The following AXIN1 variants were observed in gnomAD, a reference collection of about 807,000 sequenced individuals.
The protein encoded by AXIN1 is axin-1.
In AXIN1, 30 loss-of-function variants were observed where a neutral mutation model predicts 76.4. The ratio of observed to expected loss-of-function variants is 0.39; its 90% confidence interval spans 0.29 to 0.53. AXIN1 has a LOEUF of 0.53. Among genes scored for constraint, AXIN1 ranks in the 20% least tolerant of loss-of-function variants. The pLI, the probability that AXIN1 is intolerant of heterozygous loss-of-function variation, is 0.66. For missense variants in AXIN1, 1,140 were observed against 1,198.8 expected (o/e 0.95, Z 0.72); for synonymous variants, 545 against 501.4 (o/e 1.09, Z -1.16).
At chr16:310,141 CT>C (rs2053137174) in intron 3 of AXIN1, 72 bp from the exon 4 acceptor site, 1 of 1,420,100 alleles carries the variant, frequency 7.0e-7, no homozygotes, top group African/African-American at 1.4e-5. Flanking sequence ...AATAGAGCTC[CT>C]GGCCCCGACC....
rs1002842326 is a variant in AXIN1, at chr16:346,034, C to T, written c.878+114G>A. The T allele has an allele frequency of 6.6e-5, 67 of 1,014,958 alleles. No homozygotes were observed. In the African/African-American group the frequency reaches 8.8e-4, roughly 13 times the overall value. 62.9% of individuals were successfully genotyped at this position (1,014,958 alleles called of 1,614,324 possible). ...GAACAGAACCAAAATTCAACCCCAGCGGCAGCAGGACATCCGGTGTGGGTT... is the reference window on the plus strand; with the variant it reads ...GAACAGAACCAAAATTCAACCCCAGTGGCAGCAGGACATCCGGTGTGGGTT... On this transcript the variant is annotated intron_variant, in intron 2 of 10. Coordinates refer to ENST00000262320, the MANE Select transcript of AXIN1 (RefSeq NM_003502.4).
chr16:296,130 C>G (rs905472345), intron 7 of AXIN1, among the ~76,000 whole-genome samples: 2 of 152,210 alleles, frequency 1.3e-5, no homozygotes, highest in African/African-American at 4.8e-5. Flanking sequence ...GTGCTGTGCA[C>G]CCCTGTTCCC....
chr16:321,617 C>T (rs1285612166), intron 2 of AXIN1, among the ~76,000 whole-genome samples: 2 of 152,182 alleles, frequency 1.3e-5, no homozygotes, highest in South Asian at 2.1e-4. Context: ...GGGTTAAACC[C>T]TCTCACAGCT....
At chr16:308,248 C>T (rs1043629189) in intron 4 of AXIN1, among the ~76,000 whole-genome samples, 2 of 152,264 alleles carry the variant, frequency 1.3e-5, no homozygotes, top group African/African-American at 4.8e-5. Context: ...AAGGTTCTGA[C>T]GACGACACCA....
At chr16:347,198 C>T (rs2054051010) in intron 1 of AXIN1, 92 bp from the exon 2 acceptor site, 1 of 1,119,232 alleles carries the variant, frequency 8.9e-7, no homozygotes, top group Non-Finnish European at 1.3e-6. Flanking sequence ...ACGATGACGC[C>T]CTCCCGCTCA....
intron 2 of AXIN1, among the ~76,000 whole-genome samples, chr16:343,780 G>A (rs760897377): frequency 5.3e-5 from 8 of 151,612 alleles, no homozygotes; most frequent in Non-Finnish European, 1.0e-4. Flanking sequence ...TTGGGAGGCT[G>A]AGATCACTGG....
In AXIN1 at chr16:304,408, C is replaced by T; in HGVS notation, c.1150G>A (p.Glu384Lys). The T allele has an allele frequency of 6.2e-7, 1 of 1,612,722 alleles. No homozygotes were observed. Among genetic ancestry groups the T allele is most frequent in the Non-Finnish European group, 8.5e-7 (1 of 1,179,956 alleles). The part of the protein sequence containing the change: ...TYRVPKEVRV[E>K]PQKFAEELIH... ...AGCTCCTCCGCGAACTTCTGAGGCT[C>T]CACGCGGACCTCCTTCGGCACCCGG... Residue 384 changes from glutamate (E) to lysine (K), a missense_variant, in exon 5 of 11, where the codon GAG becomes AAG. Glu to Lys is a moderately conservative substitution (Grantham distance 56, BLOSUM62 1). Around this residue, in one of 3 missense-constraint regions of AXIN1, gnomAD observed 708 missense variants for 776.9 expected, o/e 0.91. Transcript: ENST00000262320.
At chr16:333,616 T>C (rs958384496) in intron 2 of AXIN1, among the ~76,000 whole-genome samples, 4 of 151,946 alleles carry the variant, frequency 2.6e-5, no homozygotes, top group African/African-American at 9.7e-5. Flanking sequence ...ATCCACACCG[T>C]ATGAAGAGAA....
Position 320,832 on chromosome 16 carries a change from T to C in AXIN1, c.879-6149A>G, listed in dbSNP as rs551683588. Among the ~76,000 whole-genome samples, 22 of 149,554 alleles carry C rather than the reference T, an allele frequency of 1.5e-4. No individual in the cohort carries two copies. The South Asian group carries it at 2.8e-3, about 19-fold the overall frequency. On this transcript the variant is annotated intron_variant, in intron 2 of 10. Transcript: ENST00000262320. ...TCGGCTCACTACAACCTCCGCCTCC[T>C]GGGTTCAATCGATTCTCCTGCCTCA...
At chr16:292,650 A>T (rs2141481194) in intron 8 of AXIN1, 1 of 152,334 alleles carries the variant, frequency 6.6e-6, no homozygotes, top group Non-Finnish European at 1.5e-5. Flanking sequence ...TGGGTGAGCT[A>T]TAGGCTCCCA....
intron 2 of AXIN1, among the ~76,000 whole-genome samples, chr16:317,475 G>T (rs138431664): frequency 1.3e-5 from 2 of 152,326 alleles, no homozygotes; most frequent in East Asian, 3.9e-4. Flanking sequence ...TGCCAGGGCC[G>T]ATGTCCACGA....
At chr16:350,650 A>G (rs948531820) in intron 1 of AXIN1, among the ~76,000 whole-genome samples, 2 of 152,238 alleles carry the variant, frequency 1.3e-5, no homozygotes, top group Non-Finnish European at 1.5e-5. Flanking sequence ...TTGAAGGTTC[A>G]GGGCTACTAT....
At chr16:299,651 G>A (rs1037739823) in intron 5 of AXIN1, among the ~76,000 whole-genome samples, 4 of 145,376 alleles carry the variant, frequency 2.8e-5, no homozygotes, top group Non-Finnish European at 4.5e-5. Flanking sequence ...CACCACAACC[G>A]GCCTATTTAT....
intron 2 of AXIN1, among the ~76,000 whole-genome samples, chr16:326,109 C>T (rs2141639937): frequency 6.6e-6 from 1 of 152,044 alleles, no homozygotes; most frequent in South Asian, 2.1e-4. Flanking sequence ...AATCCCAGCA[C>T]TTTGGGAGAC....
chr16:331,368 G>A (rs1317788420), intron 2 of AXIN1, among the ~76,000 whole-genome samples: 2 of 152,122 alleles, frequency 1.3e-5, no homozygotes. Context: ...CCCTTCCCTG[G>A]GCTGACAGCT....
Position 324,899 on chromosome 16 carries a change from G to C in AXIN1, c.879-10216C>G, listed in dbSNP as rs141745517. ...TGCCCAAGCCTTCAGGGAGGCAGCA[G>C]CGCCCGGTGCACAGTTCCTAAGGGC... On this transcript the variant is annotated intron_variant, in intron 2 of 10. Transcript: ENST00000262320. 2.4e-3 allele frequency among the ~76,000 whole-genome samples: 365 copies of C among 152,354 alleles called. 3 individuals are homozygous for C. Among genetic ancestry groups the C allele is most frequent in the Admixed American group, 0.017 (253 of 15,314 alleles).
chr16:307,537 T>G (rs1396632123), intron 4 of AXIN1, among the ~76,000 whole-genome samples: 1 of 152,180 alleles, frequency 6.6e-6, no homozygotes, highest in Non-Finnish European at 1.5e-5. Flanking sequence ...GGACCAGTTT[T>G]GTAGAAGACA....
rs1363983006 is a variant in AXIN1 at position 293,451 on chromosome 16, C to A, written c.2186+37G>T. On this transcript the variant is annotated intron_variant, in intron 8 of 10. Coordinates refer to ENST00000262320, the MANE Select transcript of AXIN1 (RefSeq NM_003502.4). The surrounding 1 kb of genome is among the most constrained non-coding windows in gnomAD (Gnocchi z 4.6). The stretch of plus-strand genomic sequence containing the variant: ...AGCCCCAGGAGTGGTGCTGTGGTAA[C>A]CCCCAAGACCCACCCCACCCCACGA... 2 of 1,591,568 alleles carry A rather than the reference C, an allele frequency of 1.3e-6. No individual in the cohort carries two copies. The highest frequency in any genetic ancestry group is 8.6e-7 in the Non-Finnish European group (1 of 1,168,350).
intron 2 of AXIN1, among the ~76,000 whole-genome samples, chr16:339,678 TA>T (rs775195360): frequency 0.015 from 2,076 of 137,034 alleles, 14 homozygotes; most frequent in African/African-American, 0.02. Flanking sequence ...CAAGACTGTC[TA>T]AAAAAAAAAA....
Sources: allele counts gnomAD v4.1 joint callset (sites outside exome capture counted in the v4.1 genomes callset), GRCh38; gene constraint gnomAD v4.1.1; regional missense constraint gnomAD v4.1.1; non-coding constraint Gnocchi (gnomAD v3.1); transcripts MANE v1.5; gene names NCBI Gene and HGNC (gene_info 2026-07-23, HGNC 2026-07-21).